FBXO11: variants seen among roughly 807,000 people sequenced by gnomAD.
FBXO11 encodes F-box protein 11, also known as F-box only protein 11.
A neutral mutation model predicts 117.0 loss-of-function variants in FBXO11; 13 were observed. That is an observed-to-expected ratio of 0.11 (90% confidence interval 0.07 to 0.18). The LOEUF (loss-of-function observed/expected upper bound fraction) is 0.18. FBXO11 is among the 10% of genes least tolerant of loss of function. FBXO11 has a pLI of 1.00. For missense variants in FBXO11, 767 were observed against 1,164.4 expected (o/e 0.66, Z 4.97); for synonymous variants, 490 against 380.5 (o/e 1.29, Z -3.35).
intron 1 of FBXO11, among the ~76,000 whole-genome samples, chr2:47,861,658 C>A (rs1674787466): frequency 6.6e-6 from 1 of 152,102 alleles, no homozygotes; most frequent in African/African-American, 2.4e-5. Flanking sequence ...ATTGGCAGGT[C>A]CAAGCCAATG....
chr2:47,825,506 T>C (rs1461670563), intron 11 of FBXO11, among the ~76,000 whole-genome samples: 1 of 151,834 alleles, frequency 6.6e-6, no homozygotes, highest in Non-Finnish European at 1.5e-5. Context: ...GCACAATTAG[T>C]ATAACTCTTA....
chr2:47,832,759 A>T lies in FBXO11; in HGVS notation c.1153+10T>A, dbSNP rs2104810187. 1 of 1,610,222 alleles carries T rather than the reference A, an allele frequency of 6.2e-7. No individual in the cohort carries two copies. The highest frequency in any genetic ancestry group is 1.1e-5 in the South Asian group (1 of 90,792). On this transcript the variant is annotated intron_variant, in intron 9 of 22. Coordinates refer to ENST00000403359, the MANE Select transcript of FBXO11 (RefSeq NM_001190274.2). ...AAAATTTTATTGTAAAATATAAAGAAAACACTAACCTGTACATGTACTTCG... is the reference window on the plus strand; with the variant it reads ...AAAATTTTATTGTAAAATATAAAGATAACACTAACCTGTACATGTACTTCG...
chr2:47,899,684 G>A (rs1042485672), intron 1 of FBXO11, among the ~76,000 whole-genome samples: 4 of 152,070 alleles, frequency 2.6e-5, no homozygotes, highest in African/African-American at 9.7e-5. Flanking sequence ...TTTTCACAGG[G>A]TAGCAACTAC....
At chr2:47,854,537 C>T (rs137926651) in intron 1 of FBXO11, among the ~76,000 whole-genome samples, 9 of 151,684 alleles carry the variant, frequency 5.9e-5, no homozygotes, top group Non-Finnish European at 1.3e-4. Context: ...AAAACAGAAC[C>T]TAGCTGTATG....
At chr2:47,899,168 G>A (rs1448477242) in intron 1 of FBXO11, among the ~76,000 whole-genome samples, 1 of 151,780 alleles carries the variant, frequency 6.6e-6, no homozygotes, top group African/African-American at 2.4e-5. Flanking sequence ...CAGCTACTCA[G>A]GAGGCTGAGG....
chr2:47,903,075 G>A lies in FBXO11; in HGVS notation c.232+2414C>T, dbSNP rs146874092. Among the ~76,000 whole-genome samples the A allele has an allele frequency of 4.5e-3, 678 of 151,914 alleles. 4 individuals carry two copies. Among genetic ancestry groups the A allele is most frequent in the African/African-American group, 0.016 (647 of 41,384 alleles). Reference sequence around the variant, plus strand: ...ACTTTGCGTGCTCCATAAAACTTTCGAAATAGAGTATTCTTAGTTAACTTC... The same window carrying A: ...ACTTTGCGTGCTCCATAAAACTTTCAAAATAGAGTATTCTTAGTTAACTTC... On this transcript the variant is annotated intron_variant, in intron 1 of 22. Transcript: ENST00000403359.
chr2:47,812,681 T>C (rs1008805733), intron 18 of FBXO11, among the ~76,000 whole-genome samples: 8 of 152,226 alleles, frequency 5.3e-5, no homozygotes, highest in Admixed American at 1.3e-4. Flanking sequence ...GGAACAGCGA[T>C]AGATTTGCAT....
intron 1 of FBXO11, among the ~76,000 whole-genome samples, chr2:47,899,375 T>C (rs968211982): frequency 3.3e-5 from 5 of 152,180 alleles, no homozygotes; most frequent in African/African-American, 1.2e-4. Flanking sequence ...TTGGGTTTAA[T>C]TTTATATACA....
chr2:47,885,439 G>A (rs1676755266), intron 1 of FBXO11, among the ~76,000 whole-genome samples: 1 of 152,072 alleles, frequency 6.6e-6, no homozygotes, highest in Non-Finnish European at 1.5e-5. Flanking sequence ...CAAGGGCGTG[G>A]TGGTGTATGC....
At chr2:47,882,139 T>G (rs1033774330) in intron 1 of FBXO11, among the ~76,000 whole-genome samples, 1 of 152,240 alleles carries the variant, frequency 6.6e-6, no homozygotes, top group Non-Finnish European at 1.5e-5. Flanking sequence ...ACTCTACTAT[T>G]TTCCTCAAGA....
At chr2:47,890,890 T>G (rs1677212984) in intron 1 of FBXO11, among the ~76,000 whole-genome samples, 1 of 152,100 alleles carries the variant, frequency 6.6e-6, no homozygotes, top group East Asian at 1.9e-4. Context: ...CAATCATAGC[T>G]CACCGCAGCC....
intron 11 of FBXO11, among the ~76,000 whole-genome samples, chr2:47,828,076 C>T (rs1220834657): frequency 6.6e-6 from 1 of 151,276 alleles, no homozygotes; most frequent in African/African-American, 2.4e-5. Flanking sequence ...AACTTCTGGG[C>T]TCAATCAATC....
intron 1 of FBXO11, among the ~76,000 whole-genome samples, chr2:47,851,624 C>A (rs1051584329): frequency 1.3e-5 from 2 of 152,050 alleles, no homozygotes; most frequent in African/African-American, 4.8e-5. Context: ...ACAAATAAAG[C>A]AATATAGTAA....
intron 1 of FBXO11, among the ~76,000 whole-genome samples, chr2:47,841,350 T>C (rs1205918511): frequency 6.6e-6 from 1 of 152,100 alleles, no homozygotes; most frequent in African/African-American, 2.4e-5. Flanking sequence ...AATGAAGGGA[T>C]AATAAAATTA....
At chr2:47,901,591 A>C (rs1427625521) in intron 1 of FBXO11, among the ~76,000 whole-genome samples, 2 of 152,084 alleles carry the variant, frequency 1.3e-5, no homozygotes, top group African/African-American at 2.4e-5. Flanking sequence ...AAAGTAATTA[A>C]TTTTATTTTA....
chr2:47,901,072 T>TATAC (rs1553362573), intron 1 of FBXO11, among the ~76,000 whole-genome samples: 2 of 132,178 alleles, frequency 1.5e-5, no homozygotes, highest in East Asian at 2.6e-4. Context: ...TGTATATATA[T>TATAC]ACACACGTGT....
At chr2:47,903,831 T>C (rs1467834666) in intron 1 of FBXO11, among the ~76,000 whole-genome samples, 2 of 152,206 alleles carry the variant, frequency 1.3e-5, no homozygotes, top group African/African-American at 2.4e-5. Flanking sequence ...AGAAGAACAT[T>C]ATTTGAACGG....
At chr2:47,873,263 C>A (rs558332218) in intron 1 of FBXO11, among the ~76,000 whole-genome samples, 1 of 152,318 alleles carries the variant, frequency 6.6e-6, no homozygotes, top group East Asian at 1.9e-4. Context: ...TTTGAAGGCC[C>A]TTCCCTTATC....
chr2:47,845,481 G>C (rs867476324), intron 1 of FBXO11, among the ~76,000 whole-genome samples: 1 of 152,124 alleles, frequency 6.6e-6, no homozygotes, highest in African/African-American at 2.4e-5. Context: ...TACAGTGCCA[G>C]AAGTTACTTA....
Sources: allele counts gnomAD v4.1 joint callset (sites outside exome capture counted in the v4.1 genomes callset), GRCh38; gene constraint gnomAD v4.1.1; transcripts MANE v1.5; gene names NCBI Gene and HGNC (gene_info 2026-07-23, HGNC 2026-07-21).